Variants in PDE8B observed in about 807,000 individuals in gnomAD.
PDE8B encodes the protein phosphodiesterase 8B, also known as high affinity cAMP-specific and IBMX-insensitive 3',5'-cyclic phosphodiesterase 8B.
PDE8B carries 26 observed loss-of-function variants against 101.3 expected under a neutral mutation model. The observed-to-expected ratio is 0.26, with a 90% confidence interval of 0.19 to 0.36. The LOEUF is 0.36. Among genes scored for constraint, PDE8B ranks in the 10% least tolerant of loss-of-function variants. The pLI is 1.00. For synonymous variants in PDE8B, 424 were observed against 429.3 expected (o/e 0.99, Z 0.15); for missense variants, 810 against 1,163.1 (o/e 0.70, Z 4.42).
At chr5:77,399,629 G>A (rs1192186550) in intron 10 of PDE8B, among the ~76,000 whole-genome samples, 1 of 152,192 alleles carries the variant, frequency 6.6e-6, no homozygotes, top group East Asian at 1.9e-4. Context: ...TATTTCTAGT[G>A]CTAATGACTT....
the PDE8B span, among the ~76,000 whole-genome samples, chr5:77,170,923 A>G: frequency 5.9e-5 from 9 of 152,242 alleles, no homozygotes; most frequent in Non-Finnish European, 1.3e-4. Context: ...AAGCACTACA[A>G]TAGTCCATCA....
At chr5:77,252,368 C>G (rs891948469) in intron 1 of PDE8B, among the ~76,000 whole-genome samples, 1 of 152,214 alleles carries the variant, frequency 6.6e-6, no homozygotes, top group Non-Finnish European at 1.5e-5. Context: ...TTAGCAAATA[C>G]TCATGGGTAC....
rs539658055 is a variant in PDE8B at position 77,257,035 on chromosome 5, A to C, written c.339+45771A>C. ...TTGAATGGTAGTGATCGTACATAGAATATGATGTCAATCACAAAAAAGTAG... is the reference window on the plus strand; with the variant it reads ...TTGAATGGTAGTGATCGTACATAGACTATGATGTCAATCACAAAAAAGTAG... On this transcript the variant is annotated intron_variant, in intron 1 of 21. Transcript: ENST00000264917. 3.3e-5 allele frequency among the ~76,000 whole-genome samples: 5 copies of C among 152,330 alleles called. 1 individual carries two copies. The East Asian group carries it at 9.6e-4, about 29-fold the overall frequency.
the PDE8B span, among the ~76,000 whole-genome samples, chr5:77,194,481 A>G: frequency 0.059 from 9,003 of 152,172 alleles, 914 homozygotes; most frequent in African/African-American, 0.2. Context: ...AAAGTGTACA[A>G]TTAAGTAGTA....
chr5:77,425,699 G>A (rs1424931626), intron 20 of PDE8B, 68 bp from the exon 21 acceptor site: 6 of 1,527,870 alleles, frequency 3.9e-6, no homozygotes, highest in South Asian at 1.1e-5. Flanking sequence ...GTTGTTCTGA[G>A]AAACAGGATA....
At chr5:77,393,957 T>G (rs1790488216) in intron 10 of PDE8B, among the ~76,000 whole-genome samples, 1 of 152,222 alleles carries the variant, frequency 6.6e-6, no homozygotes, top group South Asian at 2.1e-4. Flanking sequence ...CTCAAAGCAG[T>G]CTGGTTATAT....
chr5:77,360,770 C>T (rs1326977383), intron 10 of PDE8B, among the ~76,000 whole-genome samples: 1 of 152,186 alleles, frequency 6.6e-6, no homozygotes, highest in Non-Finnish European at 1.5e-5. Context: ...CTAGAAGCCA[C>T]TTAGTTCCAA....
chr5:77,205,933 A>G (rs1010471098), upstream of PDE8B, among the ~76,000 whole-genome samples: 1 of 152,148 alleles, frequency 6.6e-6, no homozygotes, highest in Non-Finnish European at 1.5e-5. Flanking sequence ...TGTAGACAAC[A>G]TTGCTACCAA....
the PDE8B span, among the ~76,000 whole-genome samples, chr5:77,160,992 T>C: frequency 3.9e-5 from 6 of 152,170 alleles, no homozygotes; most frequent in Non-Finnish European, 8.8e-5. Context: ...ATTACAAACT[T>C]ATCTGCCTTC....
chr5:77,374,794 C>A (rs1450602888), intron 10 of PDE8B, among the ~76,000 whole-genome samples: 1 of 152,208 alleles, frequency 6.6e-6, no homozygotes, highest in African/African-American at 2.4e-5. Context: ...ATCTTGAGCA[C>A]TGAAGATCGG....
At chr5:77,275,989 A>G (rs934379556) in intron 1 of PDE8B, among the ~76,000 whole-genome samples, 1 of 152,208 alleles carries the variant, frequency 6.6e-6, no homozygotes, top group African/African-American at 2.4e-5. Flanking sequence ...TACTGAATTA[A>G]TTATGTAAAA....
intron 10 of PDE8B, among the ~76,000 whole-genome samples, chr5:77,386,489 A>G (rs929234746): frequency 1.3e-5 from 2 of 152,222 alleles, no homozygotes; most frequent in Non-Finnish European, 2.9e-5. Flanking sequence ...TAATTAGGAT[A>G]GTTAGCTCTT....
chr5:77,291,698 C>A, intron 1 of PDE8B: 1 of 1,594,374 alleles, frequency 6.3e-7, no homozygotes, highest in South Asian at 1.1e-5. Flanking sequence ...CTGGTGGTGG[C>A]AGGGAATCTG....
At chr5:77,254,986 TG>T (rs1758810447) in intron 1 of PDE8B, among the ~76,000 whole-genome samples, 1 of 152,260 alleles carries the variant, frequency 6.6e-6, no homozygotes, top group Admixed American at 6.5e-5. Context: ...CTTTCGTTTC[TG>T]TTGCTTGCTT....
At chr5:77,338,761 AAG>A (rs1778633954) in intron 6 of PDE8B, among the ~76,000 whole-genome samples, 1 of 152,194 alleles carries the variant, frequency 6.6e-6, no homozygotes, top group Non-Finnish European at 1.5e-5. Flanking sequence ...TAGAATTAGA[AAG>A]AGGGGGATTT....
chr5:77,168,414 C>A, the PDE8B span, among the ~76,000 whole-genome samples: 7 of 152,346 alleles, frequency 4.6e-5, no homozygotes, highest in Admixed American at 4.6e-4. Flanking sequence ...TGAAACTGGG[C>A]TCTGGCACCA....
chr5:77,175,885 A>G, the PDE8B span, among the ~76,000 whole-genome samples: 1 of 152,184 alleles, frequency 6.6e-6, no homozygotes, highest in Non-Finnish European at 1.5e-5. Flanking sequence ...ATACATATAT[A>G]TGTTAGCTTG....
the PDE8B span, among the ~76,000 whole-genome samples, chr5:77,090,607 A>G: frequency 6.6e-6 from 1 of 152,192 alleles, no homozygotes; most frequent in Admixed American, 6.5e-5. Context: ...GTTTGACTTT[A>G]ATTTCTAAGA....
upstream of PDE8B, among the ~76,000 whole-genome samples, chr5:77,210,238 G>C (rs1314500504): frequency 1.3e-5 from 2 of 152,054 alleles, no homozygotes; most frequent in Non-Finnish European, 2.9e-5. The surrounding 1 kb of genome is among the most constrained non-coding windows in gnomAD (Gnocchi z 4.9). Flanking sequence ...GTGCAGAAGA[G>C]ACGAGGCCTC....
Sources: allele counts gnomAD v4.1 joint callset (sites outside exome capture counted in the v4.1 genomes callset), GRCh38; gene constraint gnomAD v4.1.1; non-coding constraint Gnocchi (gnomAD v3.1); transcripts MANE v1.5; gene names NCBI Gene and HGNC (gene_info 2026-07-23, HGNC 2026-07-21).